The following FBXW2 variants were observed in gnomAD, a reference collection of about 807,000 sequenced individuals.
FBXW2 encodes F-box and WD repeat domain containing 2.
In FBXW2, 12 loss-of-function variants were observed where a neutral mutation model predicts 46.0. The ratio of observed to expected loss-of-function variants is 0.26; its 90% CI spans 0.17 to 0.42. The LOEUF is 0.42. Ranked by LOEUF, FBXW2 falls within the 10% of genes least tolerant of loss-of-function variation. FBXW2 has a pLI of 1.00. For synonymous variants in FBXW2, 203 were observed against 209.6 expected (o/e 0.97, Z 0.27); for missense variants, 360 against 537.0 (o/e 0.67, Z 3.26).
rs1401260034 is a variant in FBXW2 at position 120,762,132 on chromosome 9, G to C, written c.*2427C>G. The C allele has an allele frequency of 6.6e-6, 1 of 152,234 alleles. No individual in the cohort carries two copies. The highest frequency in any genetic ancestry group is 1.5e-5 in the Non-Finnish European group (1 of 68,082). The allele number at this position is 152,234 out of a possible 1,614,324, so 9.4% of individuals were successfully genotyped here. A position where few individuals can be genotyped will look rare whatever the true frequency, so the allele number is the denominator to read the frequency against. On this transcript the variant is annotated 3_prime_UTR_variant, in exon 8 of 8. Coordinates refer to ENST00000608872, the MANE Select transcript of FBXW2 (RefSeq NM_012164.4). ...AGGCAGGTGGATGACCTGAGGTCAG[G>C]AGTTCAAGACCAGCCTGGCCAACAT...
At chr9:120,772,055 T>A in intron 6 of FBXW2, among the ~76,000 whole-genome samples, 1 of 112,634 alleles carries the variant, frequency 8.9e-6, no homozygotes, top group Non-Finnish European at 1.7e-5. Context: ...TGAGACCCTG[T>A]CTCAGAAAAA....
chr9:120,790,967 C>G (rs943269210), intron 2 of FBXW2, among the ~76,000 whole-genome samples: 1 of 152,194 alleles, frequency 6.6e-6, no homozygotes, highest in African/African-American at 2.4e-5. Flanking sequence ...TTTCCCAACT[C>G]TTAGATTGCC....
intron 5 of FBXW2, among the ~76,000 whole-genome samples, chr9:120,775,167 C>T (rs1160517822): frequency 8.6e-5 from 13 of 151,866 alleles, no homozygotes; most frequent in African/African-American, 3.1e-4. Context: ...CAAGTTAATT[C>T]CCCTGTCTCA....
At chr9:120,767,205 GA>G (rs34953976) in intron 7 of FBXW2, among the ~76,000 whole-genome samples, 5 of 150,940 alleles carry the variant, frequency 3.3e-5, no homozygotes, top group African/African-American at 1.2e-4. Flanking sequence ...ATTAATATCT[GA>G]AAAAAAAATC....
At chr9:120,765,922 C>T (rs1447655082) in intron 7 of FBXW2, among the ~76,000 whole-genome samples, 1 of 152,150 alleles carries the variant, frequency 6.6e-6, no homozygotes, top group Non-Finnish European at 1.5e-5. Context: ...CCTAGCTAAA[C>T]AGCAGCACAA....
intron 3 of FBXW2, among the ~76,000 whole-genome samples, chr9:120,778,797 A>C (rs1039217374): frequency 2.0e-5 from 3 of 152,200 alleles, no homozygotes; most frequent in African/African-American, 7.2e-5. Context: ...CAGGCTACAG[A>C]AGGTCATTAG....
chr9:120,764,794 A>G lies in FBXW2; in HGVS notation c.1130T>C (p.Ile377Thr). Residue 377 changes from isoleucine (I) to threonine (T), a missense_variant, in exon 8 of 8, where the codon ATC (isoleucine) becomes ACC (threonine). Physicochemically the swap from Ile to Thr is moderately conservative, Grantham distance 89. Coordinates refer to ENST00000608872, the MANE Select transcript of FBXW2 (RefSeq NM_012164.4). ...ANLALLGFGD[I>T]FALLFDNRYL... Reference sequence around the variant, plus strand: ...GCGGTTGTCAAACAGCAGGGCAAAGATATCTCCAAAGCCAAGCAAGGCCAA... The same window carrying G: ...GCGGTTGTCAAACAGCAGGGCAAAGGTATCTCCAAAGCCAAGCAAGGCCAA... 1.2e-6 allele frequency: 2 copies of G among 1,611,176 alleles called. No individual in the cohort carries two copies. Among genetic ancestry groups the G allele is most frequent in the South Asian group, 1.1e-5 (1 of 90,792 alleles).
chr9:120,771,676 T>C (rs937944497), intron 6 of FBXW2, among the ~76,000 whole-genome samples, 159 bp from the exon 7 acceptor site: 9 of 152,210 alleles, frequency 5.9e-5, no homozygotes, highest in Admixed American at 5.9e-4. Context: ...GTCTTAATTC[T>C]CCTGTGCAAT....
rs112308155 is a variant in FBXW2, at chr9:120,758,995, G to T, written c.*5564C>A. The T allele has an allele frequency of 3.3e-5, 5 of 152,054 alleles. No individual in the cohort carries two copies. The highest frequency in any genetic ancestry group is 1.2e-4 in the African/African-American group (5 of 41,470). The allele number at this position is 152,054 out of a possible 1,614,324, so 9.4% of individuals were successfully genotyped here. ...TTTACCTTTATTGTTTTGCTTTTTG[G>T]ATCACCTTCAGAAATGGTTATATTG... is the stretch of plus-strand genomic sequence containing the variant. On this transcript the variant is annotated 3_prime_UTR_variant, in exon 8 of 8. Coordinates refer to ENST00000608872, the MANE Select transcript of FBXW2 (RefSeq NM_012164.4).
At chr9:120,790,843 A>T (rs1324721116) in intron 2 of FBXW2, among the ~76,000 whole-genome samples, 3 of 152,224 alleles carry the variant, frequency 2.0e-5, no homozygotes, top group African/African-American at 7.2e-5. Flanking sequence ...TGCCAAATTA[A>T]TGTGCCCATG....
intron 4 of FBXW2, 72 bp from the exon 5 acceptor site, chr9:120,776,298 G>A (rs1237684999): frequency 6.7e-7 from 1 of 1,495,198 alleles, no homozygotes; most frequent in Non-Finnish European, 9.0e-7. Flanking sequence ...GTTCAATAAT[G>A]TTTATTTTCC....
chr9:120,777,402 ACAGTGCAAGT>A (rs2044519759), intron 4 of FBXW2, among the ~76,000 whole-genome samples: 1 of 152,254 alleles, frequency 6.6e-6, no homozygotes, highest in Admixed American at 6.5e-5. Context: ...AGCACCAGGT[ACAGTGCAAGT>A]AACTCCAGTC....
At chr9:120,783,362 C>G (rs1443582856) in intron 3 of FBXW2, among the ~76,000 whole-genome samples, 1 of 152,028 alleles carries the variant, frequency 6.6e-6, no homozygotes, top group East Asian at 1.9e-4. Flanking sequence ...ACCAGTGATG[C>G]AGCATAGAGG....
rs981471653 is a variant in FBXW2 at position 120,763,311 on chromosome 9, G to A, written c.*1248C>T. On this transcript the variant is annotated 3_prime_UTR_variant, in exon 8 of 8. Coordinates refer to ENST00000608872, the MANE Select transcript of FBXW2 (RefSeq NM_012164.4). ...CTCCCTTAGGCATTTGGGTTTGTGA[G>A]CCCTCATCTAGGACAATTCCCTCAC... is the stretch of plus-strand genomic sequence containing the variant. The A allele has an allele frequency of 6.6e-6, 1 of 152,170 alleles. No homozygotes were observed. Among genetic ancestry groups the A allele is most frequent in the Non-Finnish European group, 1.5e-5 (1 of 68,026 alleles). The allele number at this position is 152,170 out of a possible 1,614,324, so 9.4% of individuals were successfully genotyped here. A position where few individuals can be genotyped will look rare whatever the true frequency, so the allele number is the denominator to read the frequency against.
At chr9:120,776,604 A>G (rs2044502098) in intron 4 of FBXW2, 1 of 156,724 alleles carries the variant, frequency 6.4e-6, no homozygotes, top group African/African-American at 2.4e-5. Context: ...ACTAACAGTA[A>G]GACAAAATAT....
At chr9:120,793,110 G>A (rs912834141) in intron 2 of FBXW2, 39 bp downstream of exon 2, 1 of 705,384 alleles carries the variant, frequency 1.4e-6, no homozygotes, top group Non-Finnish European at 2.4e-6. Context: ...TTGCTCCCAG[G>A]TCCCTTGCTC....
chr9:120,774,515 T>C (rs2044451233), intron 5 of FBXW2, among the ~76,000 whole-genome samples: 1 of 152,118 alleles, frequency 6.6e-6, no homozygotes. Context: ...CTGTCTGTAT[T>C]AAAACAACAA....
At chr9:120,779,903 G>A (rs996304247) in intron 3 of FBXW2, among the ~76,000 whole-genome samples, 1 of 152,118 alleles carries the variant, frequency 6.6e-6, no homozygotes, top group Non-Finnish European at 1.5e-5. Context: ...TGTAATCTCA[G>A]CACTTTAGGA....
intron 3 of FBXW2, among the ~76,000 whole-genome samples, chr9:120,787,218 G>A (rs1315771246): frequency 2.0e-5 from 3 of 152,146 alleles, no homozygotes; most frequent in Admixed American, 6.5e-5. Flanking sequence ...CAGTAGAGAC[G>A]GGATTTCACC....
Sources: allele counts gnomAD v4.1 joint callset (sites outside exome capture counted in the v4.1 genomes callset), GRCh38; gene constraint gnomAD v4.1.1; transcripts MANE v1.5; gene names NCBI Gene and HGNC (gene_info 2026-07-23, HGNC 2026-07-21).